ASCC3: variants seen among roughly 807,000 people sequenced by gnomAD.
The protein encoded by ASCC3 is ASC-1 complex subunit P200.
A neutral mutation model predicts 256.3 loss-of-function variants in ASCC3; 158 were observed. That is an observed-to-expected ratio of 0.62 (90% confidence interval 0.54 to 0.70). ASCC3 has a LOEUF of 0.70. Ranked by LOEUF, ASCC3 falls within the 30% of genes least tolerant of loss-of-function variation. The probability of loss-of-function intolerance (pLI) is 0.00; values close to 1 mark genes in which losing one functional copy is unlikely to be tolerated. For synonymous variants in ASCC3, 948 were observed against 883.4 expected, an observed-to-expected ratio of 1.07 and a Z score of -1.30; for missense variants, 2,259 against 2,626.0, an observed-to-expected ratio of 0.86 and a Z score of 3.05.
In ASCC3 at chr6:100,846,220, T is replaced by C. The variant is rs188055760; in HGVS notation, c.801+1928A>G. On this transcript the variant is annotated intron_variant, in intron 4 of 41. Transcript: ENST00000369162. ...TGAAACAACTGTAGGGAAACAATTG[T>C]AGAAAACTCCTGAAGTATCACTTGA... 1.7e-3 allele frequency among the ~76,000 whole-genome samples: 264 copies of C among 152,206 alleles called. 1 individual carries two copies. The highest frequency in any genetic ancestry group is 6.0e-3 in the African/African-American group (249 of 41,542).
chr6:100,521,641 T>C (rs1562090658), intron 37 of ASCC3, among the ~76,000 whole-genome samples: 2 of 152,164 alleles, frequency 1.3e-5, no homozygotes, highest in Non-Finnish European at 2.9e-5. Context: ...GGGGGTACTG[T>C]TGTACAAGAT....
intron 37 of ASCC3, among the ~76,000 whole-genome samples, chr6:100,531,443 AGCCATTTATAAGAACTT>A (rs1774866975): frequency 6.6e-6 from 1 of 152,194 alleles, no homozygotes; most frequent in African/African-American, 2.4e-5. Context: ...AACATCACAA[AGCCATTTATAAGAACTT>A]CTTAAACTAC....
intron 14 of ASCC3, among the ~76,000 whole-genome samples, chr6:100,667,528 C>T (rs546287944): frequency 1.3e-5 from 2 of 151,970 alleles, no homozygotes; most frequent in African/African-American, 2.4e-5. Flanking sequence ...GAGCAGGTAT[C>T]GGCCACTACA....
rs1021272917 is a variant in ASCC3 at position 100,850,596 on chromosome 6, T to C, written c.242-1889A>G. On this transcript the variant is annotated intron_variant, in intron 3 of 41. Transcript: ENST00000369162. Reference sequence around the variant, plus strand: ...ACTGCCTGAGTCACTTTTTACTTTATCTGCTATTCAATCATGTGTAGAAGA... The same window carrying C: ...ACTGCCTGAGTCACTTTTTACTTTACCTGCTATTCAATCATGTGTAGAAGA... Among the ~76,000 whole-genome samples the C allele has an allele frequency of 5.3e-5, 8 of 152,218 alleles. No homozygotes were observed. In the South Asian group the frequency reaches 6.2e-4, roughly 12 times the overall value.
rs773442931 is a variant in ASCC3 at position 100,823,350 on chromosome 6, C to CA, written c.802-17471dup. On this transcript the variant is annotated intron_variant, in intron 4 of 41. Coordinates refer to ENST00000369162, the MANE Select transcript of ASCC3 (RefSeq NM_006828.4). Reference sequence around the variant, plus strand: ...CAAATTAAAAACACAACAACAACAACAAAAAAAACAGCGAGGAAGAAGTTA... The same window carrying CA: ...CAAATTAAAAACACAACAACAACAACAAAAAAAAACAGCGAGGAAGAAGTTA... 6.7e-4 allele frequency among the ~76,000 whole-genome samples: 102 copies of CA among 151,706 alleles called. 2 individuals carry two copies. Among genetic ancestry groups the CA allele is most frequent in the Middle Eastern group, 6.8e-3 (2 of 294 alleles).
In ASCC3 at chr6:100,647,307, G is replaced by A; in HGVS notation, c.3397C>T (p.Leu1133=). 4 of 1,613,986 alleles carry A rather than the reference G, an allele frequency of 2.5e-6. No homozygotes were observed. Among genetic ancestry groups the A allele is most frequent in the Non-Finnish European group, 3.4e-6 (4 of 1,179,956 alleles). Residue 1133 remains leucine (L), a synonymous_variant, in exon 21 of 42, where the codon CTA becomes TTA. Transcript: ENST00000369162. ...AATCTTGTTAGGATGTGTGGTGGTA[G>A]GATTGAAAATTGTCTCAAAGGGCTA... is the stretch of plus-strand genomic sequence containing the variant. ...WASPLRQFSI[L]PPHILTRLEE... is the part of the protein sequence containing the mutation.
At chr6:100,658,111 A>G (rs1286877139) in intron 16 of ASCC3, among the ~76,000 whole-genome samples, 1 of 151,552 alleles carries the variant, frequency 6.6e-6, no homozygotes, top group African/African-American at 2.4e-5. Flanking sequence ...GAGGTGAGAC[A>G]TATGTAACTA....
intron 13 of ASCC3, chr6:100,715,012 G>A (rs758391192): frequency 2.0e-5 from 3 of 153,278 alleles, no homozygotes; most frequent in African/African-American, 4.8e-5. Flanking sequence ...TCAAAGAACC[G>A]TGAACAATTG....
intron 13 of ASCC3, among the ~76,000 whole-genome samples, chr6:100,697,250 T>A (rs962815424): frequency 6.6e-6 from 1 of 151,552 alleles, no homozygotes; most frequent in Non-Finnish European, 1.5e-5. Context: ...AAAAAAAAAA[T>A]AGTACCTAGT....
rs1450129250 is a variant in ASCC3 at position 100,805,810 on chromosome 6, A to C, written c.872T>G (p.Val291Gly). 1.9e-6 allele frequency: 3 copies of C among 1,611,312 alleles called. No homozygotes were observed. Among genetic ancestry groups the C allele is most frequent in the Non-Finnish European group, 2.5e-6 (3 of 1,178,550 alleles). ...EKLLQNRITI[V>G]DRFLNSSNDH... ...ATTTGAAGAATTAAGAAATCTATCC[A>C]CAATTGTAATTCTGTTCTGGAGGAG... The change falls in exon 5 of 42, where the codon GTG becomes GGG. Residue 291 changes from valine to glycine, a missense_variant. By Grantham distance (109) the Val-to-Gly change is moderately radical (BLOSUM62 -3). This residue lies in a region of ASCC3 where 420 missense variants were observed against 419.3 expected (regional missense o/e 1.00). Coordinates refer to ENST00000369162, the MANE Select transcript of ASCC3 (RefSeq NM_006828.4).
intron 4 of ASCC3, among the ~76,000 whole-genome samples, chr6:100,833,394 A>G (rs1288438300): frequency 6.6e-6 from 1 of 152,188 alleles, no homozygotes; most frequent in East Asian, 1.9e-4. Context: ...ACCAGTATAC[A>G]TTTGTCAAGG....
intron 3 of ASCC3, among the ~76,000 whole-genome samples, chr6:100,861,341 C>T (rs1773214508): frequency 6.6e-6 from 1 of 152,048 alleles, no homozygotes; most frequent in Admixed American, 6.6e-5. Flanking sequence ...GTCAATTGTC[C>T]AGATTAAACA....
chr6:100,778,829 A>G (rs375323099), intron 8 of ASCC3, among the ~76,000 whole-genome samples: 1 of 152,142 alleles, frequency 6.6e-6, no homozygotes, highest in African/African-American at 2.4e-5. Flanking sequence ...ACCATATCCA[A>G]TATAATATCA....
At chr6:100,704,111 G>A (rs1427050440) in intron 13 of ASCC3, among the ~76,000 whole-genome samples, 1 of 151,272 alleles carries the variant, frequency 6.6e-6, no homozygotes. Context: ...AGACTCAACA[G>A]AGCTTTTCAC....
At position 100,509,533 on chromosome 6, in the gene ASCC3, C is replaced by T. The variant is rs779761958; in HGVS notation, c.6462G>A (p.Arg2154=). Residue 2154 remains arginine (R), a splice_region_variant and synonymous_variant, in exon 42 of 42, where the codon AGG becomes AGA. Transcript: ENST00000369162. ...TCATGAAATATAATGTGTAGATATA[C>T]CTAAAATATAAAAATAGAAGAAAAA... is the stretch of plus-strand genomic sequence containing the variant. ...LSFYTPEIPG[R]YIYTLYFMSD... The T allele has an allele frequency of 1.2e-6, 2 of 1,610,182 alleles. No individual in the cohort carries two copies. The highest frequency in any genetic ancestry group is 2.7e-5 in the African/African-American group (2 of 74,742).
At chr6:100,531,071 G>A in intron 37 of ASCC3, 1 of 1,382,904 alleles carries the variant, frequency 7.2e-7, no homozygotes, top group Non-Finnish European at 1.0e-6. Context: ...GAATCTTCTA[G>A]AACGTACATA....
intron 33 of ASCC3, among the ~76,000 whole-genome samples, chr6:100,604,413 T>C (rs77936589): frequency 0.03 from 4,589 of 152,024 alleles, 78 homozygotes; most frequent in African/African-American, 0.055. Context: ...TTTTTTTTTC[T>C]AAATTCTTGA....
At position 100,655,732 on chromosome 6, in the gene ASCC3, TG is replaced by T. The variant is rs1562202844; in HGVS notation, c.2789del (p.Pro930HisfsTer2). 6.2e-7 allele frequency: 1 copy of T among 1,611,736 alleles called. No individual in the cohort carries two copies. The highest frequency in any genetic ancestry group is 1.1e-5 in the South Asian group (1 of 91,054). The part of the protein sequence containing the change: ...TYLYVRMRAN[P>X]LAYGISHKAY... ...CCTTGTGACTGATGCCATATGCTAA[TG>T]GATTTGCTCTCATCCGTACATAAAG... is the stretch of plus-strand genomic sequence containing the variant. On this transcript the variant is annotated frameshift_variant, in exon 17 of 42. Transcript: ENST00000369162. LOFTEE classifies it high-confidence loss of function.
chr6:100,576,003 A>G (rs1207263255), intron 36 of ASCC3, among the ~76,000 whole-genome samples: 3 of 152,000 alleles, frequency 2.0e-5, no homozygotes, highest in Non-Finnish European at 4.4e-5. Flanking sequence ...ATTACTTTCA[A>G]AATGTCCTTT....
Sources: gnomAD v4.1 joint callset for allele counts (sites outside exome capture counted in the v4.1 genomes callset) on GRCh38, gnomAD v4.1.1 for gene constraint, gnomAD v4.1.1 regional missense constraint, MANE v1.5 for transcripts, NCBI Gene and HGNC (gene_info 2026-07-23, HGNC 2026-07-21) for gene names.